Variants in TUBB8B observed in about 807,000 individuals in gnomAD.
TUBB8B encodes the protein HSA18p11 beta-tubulin 4Q pseudogene.
In TUBB8B, 26 loss-of-function variants were observed where a neutral mutation model predicts 31.9. The ratio of observed to expected loss-of-function variants is 0.81; its 90% CI spans 0.60 to 1.13. TUBB8B has a LOEUF of 1.13. TUBB8B is among the 50% of genes most tolerant of loss of function. The probability of loss-of-function intolerance (pLI) is 0.00; values close to 1 mark genes in which losing one functional copy is unlikely to be tolerated. For synonymous variants in TUBB8B, 173 were observed against 231.0 expected, an observed-to-expected ratio of 0.75 and a Z score of 2.28; for missense variants, 467 against 586.7, an observed-to-expected ratio of 0.80 and a Z score of 2.11.
At chr18:59,883 T>C in the TUBB8B span, among the ~76,000 whole-genome samples, 2 of 151,848 alleles carry the variant, frequency 1.3e-5, no homozygotes, top group Non-Finnish European at 2.9e-5. Flanking sequence ...TTGACTGATT[T>C]GCGTGTTGAA....
chr18:55,002 T>C, the TUBB8B span, among the ~76,000 whole-genome samples: 1 of 152,074 alleles, frequency 6.6e-6, no homozygotes, highest in East Asian at 1.9e-4. Context: ...TGTCCACTCT[T>C]TAATTGATTA....
chr18:56,456 T>C, the TUBB8B span, among the ~76,000 whole-genome samples: 10 of 151,910 alleles, frequency 6.6e-5, no homozygotes, highest in Admixed American at 6.6e-4. Flanking sequence ...TATGTGAACA[T>C]AGAAATAACT....
At chr18:48,807 C>G in intron 3 of TUBB8B, 133 bp downstream of exon 3, 1 of 747,008 alleles carries the variant, frequency 1.3e-6, no homozygotes. Flanking sequence ...GCAGATGAAG[C>G]GACTCGACTC....
the TUBB8B span, among the ~76,000 whole-genome samples, chr18:57,373 T>TA: frequency 1.7e-4 from 26 of 151,284 alleles, 1 homozygote; most frequent in Non-Finnish European, 1.6e-4. Flanking sequence ...ATAAATCAGC[T>TA]AAAAAAAAGA....
At position 48,010 on chromosome 18, in the gene TUBB8B, A is replaced by G. The variant is rs1404906830; in HGVS notation, c.715T>C (p.Cys239Arg). The G allele has an allele frequency of 6.2e-7, 1 of 1,612,448 alleles. No individual in the cohort carries two copies. The highest frequency in any genetic ancestry group is 2.2e-5 in the East Asian group (1 of 44,860). Reference protein sequence around the residue: ...VSATMSGVTTCLRFPGQLNAD... With the variant: ...VSATMSGVTTRLRFPGQLNAD... ...TTCAGCTGGCCTGGGAAGCGCAGGC[A>G]TGTGGTGACCCCACTCATGGTAGCA... The change falls in exon 4 of 4, where the codon TGC (cysteine) becomes CGC (arginine). Residue 239 changes from cysteine (C) to arginine (R), a missense_variant. Physicochemically the swap from Cys to Arg is radical, Grantham distance 180 (BLOSUM62 -3). Around this residue, in one of 2 missense-constraint regions of TUBB8B, gnomAD observed 259 missense variants for 380.1 expected, o/e 0.68. Transcript: ENST00000308911.
the TUBB8B span, among the ~76,000 whole-genome samples, chr18:63,025 A>T: frequency 6.6e-6 from 1 of 151,516 alleles, no homozygotes; most frequent in African/African-American, 2.4e-5. Flanking sequence ...AGAATTTTGA[A>T]TTCCTTCTCT....
the TUBB8B span, among the ~76,000 whole-genome samples, chr18:68,755 G>A: frequency 2.0e-5 from 3 of 152,092 alleles, no homozygotes; most frequent in Admixed American, 2.0e-4. Context: ...AGGACCACAG[G>A]ACTGACCATG....
At chr18:59,807 G>C in the TUBB8B span, among the ~76,000 whole-genome samples, 1 of 151,718 alleles carries the variant, frequency 6.6e-6, no homozygotes, top group African/African-American at 2.4e-5. Flanking sequence ...GCTTCCAAAA[G>C]TGCTGGGATT....
chr18:68,947 A>G, the TUBB8B span, among the ~76,000 whole-genome samples: 1 of 152,224 alleles, frequency 6.6e-6, no homozygotes, highest in African/African-American at 2.4e-5. Flanking sequence ...ATTGTCTAAG[A>G]CATTGTCCAG....
At chr18:70,105 G>A in the TUBB8B span, among the ~76,000 whole-genome samples, 5 of 152,178 alleles carry the variant, frequency 3.3e-5, no homozygotes, top group South Asian at 1.0e-3. Flanking sequence ...AGTCAGCCGA[G>A]ATCTCCACTG....
the TUBB8B span, among the ~76,000 whole-genome samples, chr18:66,900 A>T: frequency 6.6e-6 from 1 of 152,186 alleles, no homozygotes; most frequent in Non-Finnish European, 1.5e-5. Context: ...CTAGTTCATG[A>T]ATATGAGGCA....
upstream of TUBB8B, chr18:50,077 G>C: frequency 2.8e-6 from 1 of 360,284 alleles, no homozygotes; most frequent in East Asian, 7.4e-5. Context: ...TAAGCTATGG[G>C]TGTTGGAGAT....
the TUBB8B span, among the ~76,000 whole-genome samples, chr18:62,039 C>T: frequency 6.6e-6 from 1 of 151,658 alleles, no homozygotes; most frequent in African/African-American, 2.4e-5. Context: ...AATGAAATAC[C>T]TCAGTTTTTG....
In TUBB8B at chr18:47,996, T is replaced by C. The variant is rs62075709; in HGVS notation, c.729A>G (p.Pro243=). The C allele has an allele frequency of 2.7e-3, 4,151 of 1,537,134 alleles. No individual in the cohort carries two copies. The African/African-American group carries it at 0.034, about 12-fold the overall frequency. ...MSGVTTCLRF[P]GQLNADLRKL... ...TCCGCAGGTCAGCATTCAGCTGGCC[T>C]GGGAAGCGCAGGCATGTGGTGACCC... is the stretch of plus-strand genomic sequence containing the variant. The change falls in exon 4 of 4, where the codon CCA becomes CCG. Residue 243 remains proline, a synonymous_variant. Transcript: ENST00000308911.
At chr18:69,479 G>C in the TUBB8B span, among the ~76,000 whole-genome samples, 1 of 152,130 alleles carries the variant, frequency 6.6e-6, no homozygotes, top group East Asian at 1.9e-4. Flanking sequence ...TGACTCTTCA[G>C]GGAGCCAGAC....
At position 48,064 on chromosome 18, in the gene TUBB8B, T is replaced by TGG; in HGVS notation, c.659_660dup (p.Thr221ProfsTer6). ...ACCAGGTGGTTCAGGTCACCATAGG[T>TGG]GGGTGTGGGCAGTTTTAGGGTCCTG... On this transcript the variant is annotated frameshift_variant, in exon 4 of 4. Coordinates refer to ENST00000308911, the MANE Select transcript of TUBB8B (RefSeq NM_001358689.2). LOFTEE classifies it high-confidence loss of function. 6.2e-7 allele frequency: 1 copy of TGG among 1,613,544 alleles called. No individual in the cohort carries two copies. The highest frequency in any genetic ancestry group is 8.5e-7 in the Non-Finnish European group (1 of 1,179,910).
the TUBB8B span, among the ~76,000 whole-genome samples, chr18:56,229 G>C: frequency 6.6e-6 from 1 of 151,624 alleles, no homozygotes; most frequent in African/African-American, 2.4e-5. Context: ...AATTACTATA[G>C]CTTGATAGTA....
At chr18:59,546 CTTT>C in the TUBB8B span, among the ~76,000 whole-genome samples, 3 of 136,838 alleles carry the variant, frequency 2.2e-5, no homozygotes, top group Admixed American at 7.4e-5. Flanking sequence ...GTCCTTCATT[CTTT>C]TTTTTTTTTT....
the TUBB8B span, among the ~76,000 whole-genome samples, chr18:71,569 TAAAA>T: frequency 4.7e-4 from 27 of 57,602 alleles, no homozygotes; most frequent in Admixed American, 6.7e-4. Flanking sequence ...AAAAAAAATT[TAAAA>T]AAAAAAAAAA....
Sources: gnomAD v4.1 joint callset for allele counts (sites outside exome capture counted in the v4.1 genomes callset) on GRCh38, gnomAD v4.1.1 for gene constraint, gnomAD v4.1.1 regional missense constraint, MANE v1.5 for transcripts, NCBI Gene and HGNC (gene_info 2026-07-23, HGNC 2026-07-21) for gene names.